The following SPINK14 variants were observed in gnomAD, a reference collection of about 807,000 sequenced individuals.
SPINK14 encodes the protein serine protease inhibitor Kazal-type 14.
In SPINK14, 6 loss-of-function variants were observed where a neutral mutation model predicts 14.2. The observed-to-expected ratio is 0.42, with a 90% CI of 0.23 to 0.83. SPINK14 has a LOEUF of 0.83. Ranked by LOEUF, SPINK14 falls within the 40% of genes least tolerant of loss-of-function variation. The pLI is 0.28. For synonymous variants in SPINK14, 34 were observed against 36.8 expected, an observed-to-expected ratio of 0.92 and a Z score of 0.27; for missense variants, 86 against 108.3, an observed-to-expected ratio of 0.79 and a Z score of 0.91.
At chr5:148,175,326 A>C (rs10052031) in intron 4 of SPINK14, 27 bp from the exon 5 acceptor site, 776,913 of 1,434,910 alleles carry the variant, frequency 0.54, 213,040 homozygotes, top group Middle Eastern at 0.62. Flanking sequence ...TTACTAAATG[A>C]AATGTTTATT....
chr5:148,172,668 G>T (rs542440620), intron 3 of SPINK14, among the ~76,000 whole-genome samples: 9 of 152,040 alleles, frequency 5.9e-5, no homozygotes, highest in Non-Finnish European at 1.2e-4. Flanking sequence ...CTGATTAAAA[G>T]TATAAAAATA....
At chr5:148,172,991 G>A (rs775708763) in intron 3 of SPINK14, among the ~76,000 whole-genome samples, 1 of 151,930 alleles carries the variant, frequency 6.6e-6, no homozygotes, top group Non-Finnish European at 1.5e-5. Context: ...AATGAGGTTC[G>A]ACGAAAGGAC....
chr5:148,174,136 G>A lies in SPINK14; in HGVS notation c.112-98G>A, dbSNP rs1369364085. ...TGGAATGACAGGCATGAGCCACCAC[G>A]CCTAGACTATGCTTAGATTTTTCCT... On this transcript the variant is annotated intron_variant, in intron 3 of 4. Coordinates refer to ENST00000356972, the MANE Select transcript of SPINK14 (RefSeq NM_001001325.2). The A allele has an allele frequency of 2.4e-5, 17 of 706,038 alleles. 3 individuals carry two copies. The highest frequency in any genetic ancestry group is 4.4e-5 in the Admixed American group (2 of 45,282). 43.7% of individuals were successfully genotyped at this position (706,038 alleles called of 1,614,324 possible). A position where few individuals can be genotyped will look rare whatever the true frequency, so the allele number is the denominator to read the frequency against.
At chr5:148,172,166 T>C (rs1755113786) in intron 3 of SPINK14, among the ~76,000 whole-genome samples, 1 of 152,032 alleles carries the variant, frequency 6.6e-6, no homozygotes, top group East Asian at 1.9e-4. Flanking sequence ...CTATAAACAA[T>C]GGGTTCAGGC....
chr5:148,173,346 C>G (rs796530438), intron 3 of SPINK14, among the ~76,000 whole-genome samples: 5 of 152,148 alleles, frequency 3.3e-5, no homozygotes, highest in African/African-American at 1.2e-4. Context: ...GGAGAACTTC[C>G]CCCTGAAAAC....
chr5:148,171,205 C>G (rs1055538676), intron 3 of SPINK14, among the ~76,000 whole-genome samples: 2 of 152,120 alleles, frequency 1.3e-5, no homozygotes, highest in African/African-American at 4.8e-5. Flanking sequence ...TCTTTAGTGC[C>G]TGAGAAATAT....
chr5:148,171,009 TTATAA>T (rs1283537081), intron 3 of SPINK14, 36 bp downstream of exon 3: 2 of 1,590,482 alleles, frequency 1.3e-6, no homozygotes, highest in African/African-American at 1.4e-5. Context: ...AGGACTTACA[TTATAA>T]TATGAGTTCT....
intron 3 of SPINK14, 72 bp downstream of exon 3, chr5:148,171,045 G>A: frequency 1.4e-6 from 2 of 1,452,280 alleles, no homozygotes; most frequent in Non-Finnish European, 1.9e-6. Context: ...AATTGTTACT[G>A]TGGAAACTTA....
rs751691399 is a variant in SPINK14, at chr5:148,170,978, T to C, written c.111+5T>C. Reference sequence around the variant, plus strand: ...CCACCACGTGGAATTATTAAGGTAATGTTCCATTAAATTTCCCCCCAGGAC... The same window carrying C: ...CCACCACGTGGAATTATTAAGGTAACGTTCCATTAAATTTCCCCCCAGGAC... On this transcript the variant is annotated splice_donor_5th_base_variant and intron_variant, in intron 3 of 4. Transcript: ENST00000356972. The C allele has an allele frequency of 5.8e-5, 93 of 1,611,978 alleles. No homozygotes were observed. In the East Asian group the frequency reaches 2.0e-3, roughly 35 times the overall value.
intron 1 of SPINK14, among the ~76,000 whole-genome samples, chr5:148,169,246 A>T (rs1172803063): frequency 6.6e-6 from 1 of 152,138 alleles, no homozygotes; most frequent in African/African-American, 2.4e-5. Flanking sequence ...TAATCCAAAG[A>T]GGTATTCTTT....
intron 3 of SPINK14, among the ~76,000 whole-genome samples, chr5:148,172,864 G>A (rs1457075254): frequency 1.3e-5 from 2 of 151,982 alleles, no homozygotes. Context: ...GCAAACTAAC[G>A]AACTTACTAA....
rs1335131797 is a variant in SPINK14, at chr5:148,175,506, A to G, written c.*108A>G. On this transcript the variant is annotated 3_prime_UTR_variant, in exon 5 of 5. Coordinates refer to ENST00000356972, the MANE Select transcript of SPINK14 (RefSeq NM_001001325.2). ...CTTGCATTTGTTCTTCATGACAAAG[A>G]GCTATCACTACTGAGCTTGTAGCAG... 2 of 837,666 alleles carry G rather than the reference A, an allele frequency of 2.4e-6. No homozygotes were observed. Among genetic ancestry groups the G allele is most frequent in the East Asian group, 5.3e-5 (2 of 37,968 alleles). 51.9% of individuals were successfully genotyped at this position (837,666 alleles called of 1,614,324 possible). A position where few individuals can be genotyped will look rare whatever the true frequency, so the allele number is the denominator to read the frequency against.
intron 1 of SPINK14, among the ~76,000 whole-genome samples, 89 bp downstream of exon 1, chr5:148,168,656 TG>T (rs56223812): frequency 0.38 from 58,332 of 151,922 alleles, 13,070 homozygotes; most frequent in Middle Eastern, 0.55. Flanking sequence ...GTACTGTTCC[TG>T]TTCCATTTCT....
At chr5:148,169,911 T>C in intron 2 of SPINK14, 112 bp downstream of exon 2, 1 of 540,744 alleles carries the variant, frequency 1.8e-6, no homozygotes, top group Non-Finnish European at 3.0e-6. Context: ...TGAATATATA[T>C]ATATGTGTAT....
chr5:148,172,978 T>G (rs1755127127), intron 3 of SPINK14, among the ~76,000 whole-genome samples: 1 of 152,076 alleles, frequency 6.6e-6, no homozygotes, highest in Non-Finnish European at 1.5e-5. Context: ...TTTTATAATG[T>G]GCAATGAGGT....
chr5:148,169,161 C>T (rs1279436397), intron 1 of SPINK14, among the ~76,000 whole-genome samples: 1 of 152,094 alleles, frequency 6.6e-6, no homozygotes, highest in Admixed American at 6.6e-5. Flanking sequence ...TGAATGTCCT[C>T]AAAGAGTCTG....
chr5:148,169,854 C>A, intron 2 of SPINK14, 55 bp downstream of exon 2: 2 of 1,423,750 alleles, frequency 1.4e-6, no homozygotes, highest in Non-Finnish European at 9.8e-7. Context: ...TGGGCTTTTA[C>A]ATCATAATCT....
intron 3 of SPINK14, among the ~76,000 whole-genome samples, chr5:148,171,741 G>C (rs1010116884): frequency 1.3e-5 from 2 of 152,012 alleles, no homozygotes; most frequent in East Asian, 3.9e-4. Context: ...GATATTTTGA[G>C]GGCAGCTCTA....
chr5:148,170,213 TAG>T (rs577903742), intron 2 of SPINK14, among the ~76,000 whole-genome samples: 16 of 143,304 alleles, frequency 1.1e-4, no homozygotes, highest in South Asian at 8.7e-4. Flanking sequence ...TATATATATA[TAG>T]AGAGAGAGAG....
Sources: allele counts gnomAD v4.1 joint callset (sites outside exome capture counted in the v4.1 genomes callset), GRCh38; gene constraint gnomAD v4.1.1; transcripts MANE v1.5; gene names NCBI Gene and HGNC (gene_info 2026-07-23, HGNC 2026-07-21).